Variants in CPS1 observed in about 807,000 individuals in gnomAD.
The protein encoded by CPS1 is carbamoyl-phosphate synthase 1.
A neutral mutation model predicts 174.6 loss-of-function variants in CPS1; 109 were observed. The ratio of observed to expected loss-of-function variants is 0.62; its 90% CI spans 0.53 to 0.73. The LOEUF is 0.73. Ranked by LOEUF, CPS1 falls within the 30% of genes least tolerant of loss-of-function variation. The probability of loss-of-function intolerance (pLI) is 0.00; values close to 1 mark genes in which losing one functional copy is unlikely to be tolerated. For missense variants in CPS1, 1,689 were observed against 1,821.9 expected, an observed-to-expected ratio of 0.93 and a Z score of 1.33; for synonymous variants, 637 against 632.0, an observed-to-expected ratio of 1.01 and a Z score of -0.12.
At chr2:210,558,966 C>A (rs1054187988) in intron 1 of CPS1, among the ~76,000 whole-genome samples, 2 of 151,916 alleles carry the variant, frequency 1.3e-5, no homozygotes, top group African/African-American at 2.4e-5. Flanking sequence ...ATGCCAAGCA[C>A]AAAAAATAGA....
At chr2:210,596,105 C>T (rs910785076) in intron 13 of CPS1, among the ~76,000 whole-genome samples, 7 of 151,682 alleles carry the variant, frequency 4.6e-5, no homozygotes, top group Non-Finnish European at 8.8e-5. Flanking sequence ...GCCTGGGAAA[C>T]GGGATGATAT....
chr2:210,499,182 G>A (rs552275938), intron 1 of CPS1, among the ~76,000 whole-genome samples: 3 of 152,184 alleles, frequency 2.0e-5, no homozygotes, highest in East Asian at 3.9e-4. Flanking sequence ...CAGGCAGGGT[G>A]GGGTATCTTA....
intron 1 of CPS1, among the ~76,000 whole-genome samples, chr2:210,572,376 A>T (rs905446614): frequency 2.0e-5 from 3 of 152,032 alleles, no homozygotes; most frequent in African/African-American, 7.2e-5. Context: ...AGTTTGTCCT[A>T]TAGAGTTTCT....
chr2:210,611,013 A>G (rs916973094), intron 19 of CPS1, among the ~76,000 whole-genome samples: 3 of 151,936 alleles, frequency 2.0e-5, no homozygotes, highest in African/African-American at 4.8e-5. Context: ...GAACAATAAA[A>G]TGTCTGATTT....
At chr2:210,623,108 A>G (rs1423960884) in intron 21 of CPS1, among the ~76,000 whole-genome samples, 1 of 152,084 alleles carries the variant, frequency 6.6e-6, no homozygotes, top group African/African-American at 2.4e-5. Flanking sequence ...ACCATTTATG[A>G]TGATTGCTTG....
intron 1 of CPS1, among the ~76,000 whole-genome samples, chr2:210,522,754 T>C (rs1335725558): frequency 6.6e-6 from 1 of 151,984 alleles, no homozygotes; most frequent in African/African-American, 2.4e-5. Flanking sequence ...TACCACCATC[T>C]TGGTGAGACC....
chr2:210,577,786 A>G (rs1427714590), intron 4 of CPS1, among the ~76,000 whole-genome samples: 1 of 151,990 alleles, frequency 6.6e-6, no homozygotes, highest in Non-Finnish European at 1.5e-5. Flanking sequence ...AAATTTTAGC[A>G]TTTTCTCTTC....
chr2:210,526,830 C>T (rs1241500894), intron 1 of CPS1, among the ~76,000 whole-genome samples: 5 of 152,060 alleles, frequency 3.3e-5, no homozygotes, highest in South Asian at 4.1e-4. Flanking sequence ...CAATTGCAAG[C>T]ATAGTATTGA....
intron 1 of CPS1, among the ~76,000 whole-genome samples, chr2:210,484,360 G>C (rs1017798775): frequency 3.3e-5 from 5 of 152,178 alleles, no homozygotes; most frequent in African/African-American, 7.2e-5. Flanking sequence ...CAGAGAGACA[G>C]TGGTCTTAGA....
chr2:210,590,237 G>T lies in CPS1; in HGVS notation c.840+3G>T. 1 of 1,612,552 alleles carries T rather than the reference G, an allele frequency of 6.2e-7. No homozygotes were observed. The highest frequency in any genetic ancestry group is 8.5e-7 in the Non-Finnish European group (1 of 1,178,950). ...CACTAATTCAGAATGTCAGAAAGGT[G>T]CAATGAACCTTGAATTCATGTGTAT... On this transcript the variant is annotated splice_donor_region_variant and intron_variant, in intron 8 of 37. Coordinates refer to ENST00000233072, the MANE Select transcript of CPS1 (RefSeq NM_001875.5).
intron 1 of CPS1, among the ~76,000 whole-genome samples, chr2:210,479,302 T>C (rs189257634): frequency 1.3e-5 from 2 of 151,734 alleles, no homozygotes; most frequent in East Asian, 3.9e-4. Context: ...TAGTGGATTA[T>C]GACTTCATTG....
chr2:210,612,111 T>TTACA lies in CPS1; in HGVS notation c.2392-5_2392-2dup. ...TTCAATATGAGGTCTTAAACATGTATTACAGGTCATGGCTATTGGTCGTAC... is the reference window on the plus strand; with the variant it reads ...TTCAATATGAGGTCTTAAACATGTATTACATACAGGTCATGGCTATTGGTCGTAC... On this transcript the variant is annotated splice_polypyrimidine_tract_variant and splice_region_variant and intron_variant, in intron 19 of 37. Transcript: ENST00000233072. The TTACA allele has an allele frequency of 6.2e-7, 1 of 1,611,490 alleles. No individual in the cohort carries two copies. The highest frequency in any genetic ancestry group is 8.5e-7 in the Non-Finnish European group (1 of 1,178,264).
chr2:210,670,652 G>C (rs1005906134), intron 34 of CPS1, among the ~76,000 whole-genome samples: 1 of 152,100 alleles, frequency 6.6e-6, no homozygotes, highest in Non-Finnish European at 1.5e-5. Context: ...TATATAAATG[G>C]GGGTTAGGGA....
rs763451208 is a variant in CPS1 at position 210,576,383 on chromosome 2, C to A, written c.274C>A (p.Gln92Lys). Residue 92 changes from glutamine (Q) to lysine (K), a missense_variant, in exon 3 of 38, where the codon CAG becomes AAG. By Grantham distance (53) the Gln-to-Lys change is moderately conservative. Transcript: ENST00000233072. ...EAITDPAYKG[Q>K]ILTMANPIIG... ...TATTACTGACCCTGCCTACAAAGGA[C>A]AGATTCTCACAATGGCCAACCCTAT... 1.2e-6 allele frequency: 2 copies of A among 1,613,730 alleles called. No homozygotes were observed. The highest frequency in any genetic ancestry group is 2.2e-5 in the South Asian group (2 of 91,068).
intron 1 of CPS1, among the ~76,000 whole-genome samples, chr2:210,491,757 G>A (rs1278753309): frequency 1.3e-5 from 2 of 152,196 alleles, no homozygotes; most frequent in Admixed American, 1.3e-4. Flanking sequence ...GCCCTGGTGA[G>A]TTTCAGATAC....
intron 1 of CPS1, among the ~76,000 whole-genome samples, chr2:210,523,807 G>T (rs1388475932): frequency 1.3e-5 from 2 of 151,968 alleles, no homozygotes; most frequent in Non-Finnish European, 2.9e-5. Flanking sequence ...TGAAGGTGAG[G>T]CAGAGATGGA....
At chr2:210,586,204 G>T (rs1434764467) in intron 6 of CPS1, among the ~76,000 whole-genome samples, 1 of 151,834 alleles carries the variant, frequency 6.6e-6, no homozygotes, top group Non-Finnish European at 1.5e-5. Flanking sequence ...GTTCATGTCG[G>T]GCAGGGATGT....
At chr2:210,499,285 AAGG>A (rs1387939335) in intron 1 of CPS1, among the ~76,000 whole-genome samples, 1 of 152,082 alleles carries the variant, frequency 6.6e-6, no homozygotes, top group Non-Finnish European at 1.5e-5. Flanking sequence ...GATCCCAGAG[AAGG>A]AGGTTGGGCC....
intron 34 of CPS1, 173 bp from the exon 35 acceptor site, chr2:210,674,729 G>C (rs1701462949): frequency 9.3e-6 from 6 of 646,036 alleles, no homozygotes; most frequent in African/African-American, 1.8e-5. Flanking sequence ...TTGGGATATA[G>C]CTAAAACTCA....
Sources: allele counts gnomAD v4.1 joint callset (sites outside exome capture counted in the v4.1 genomes callset), GRCh38; gene constraint gnomAD v4.1.1; transcripts MANE v1.5; gene names NCBI Gene and HGNC (gene_info 2026-07-23, HGNC 2026-07-21).